AFAP1L1: variants seen among roughly 807,000 people sequenced by gnomAD.
AFAP1L1 encodes the protein actin filament-associated protein 1-like 1.
A neutral mutation model predicts 99.8 loss-of-function variants in AFAP1L1; 77 were observed. That is an observed-to-expected ratio of 0.77 (90% CI 0.64 to 0.93). AFAP1L1 has a LOEUF of 0.93. Among genes scored for constraint, AFAP1L1 ranks in the 40% least tolerant of loss-of-function variants. The probability of loss-of-function intolerance (pLI) is 0.00; values close to 1 mark genes in which losing one functional copy is unlikely to be tolerated. For missense variants in AFAP1L1, 893 were observed against 996.8 expected (o/e 0.90, Z 1.40); for synonymous variants, 373 against 395.3 (o/e 0.94, Z 0.67).
At chr5:149,330,617 T>G (rs1032353836) in intron 16 of AFAP1L1, among the ~76,000 whole-genome samples, 1 of 152,192 alleles carries the variant, frequency 6.6e-6, no homozygotes, top group African/African-American at 2.4e-5. Context: ...AGAAGACTTG[T>G]TCTGTGTGGC....
Position 149,307,433 on chromosome 5 carries a change from T to C in AFAP1L1, c.567T>C (p.Tyr189=), listed in dbSNP as rs1278575412. 3 of 1,613,890 alleles carry C rather than the reference T, an allele frequency of 1.9e-6. No individual in the cohort carries two copies. Among genetic ancestry groups the C allele is most frequent in the Non-Finnish European group, 1.7e-6 (2 of 1,179,996 alleles). The change falls in exon 7 of 19, where the codon TAT becomes TAC. Residue 189 remains tyrosine, a synonymous_variant. Transcript: ENST00000296721. The stretch of plus-strand genomic sequence containing the variant: ...ACTCTGACGCAATGAGCAGCTCCTA[T>C]GAGTCCTACGATGAAGAGGAGGAGG... The part of the protein sequence containing the change: ...YNDSDAMSSS[Y]ESYDEEEEEG...
intron 1 of AFAP1L1, among the ~76,000 whole-genome samples, chr5:149,296,599 G>C (rs1756026440): frequency 2.0e-5 from 3 of 152,196 alleles, no homozygotes; most frequent in Non-Finnish European, 4.4e-5. Context: ...ATGAGACAGA[G>C]AGAGAATGCG....
chr5:149,307,695 C>T, intron 7 of AFAP1L1, 82 bp downstream of exon 7: 7 of 1,407,074 alleles, frequency 5.0e-6, no homozygotes, highest in Non-Finnish European at 6.9e-6. Flanking sequence ...GTGGATATGT[C>T]TGCCTTGGGC....
chr5:149,306,567 G>A (rs1310885411), intron 6 of AFAP1L1, among the ~76,000 whole-genome samples, 163 bp downstream of exon 6: 2 of 152,244 alleles, frequency 1.3e-5, no homozygotes, highest in Admixed American at 6.5e-5. Context: ...CCAGCACTCA[G>A]TGGAAAGACC....
chr5:149,308,870 G>C (rs1021587856), intron 7 of AFAP1L1, among the ~76,000 whole-genome samples: 8 of 151,812 alleles, frequency 5.3e-5, no homozygotes, highest in Non-Finnish European at 2.9e-5. Flanking sequence ...TGAGGCAGGA[G>C]GATCACTTGA....
rs1009039140 is a variant in AFAP1L1 at position 149,329,675 on chromosome 5, A to T, written c.1820A>T (p.Gln607Leu). The T allele has an allele frequency of 6.2e-7, 1 of 1,613,258 alleles. No individual in the cohort carries two copies. The highest frequency in any genetic ancestry group is 8.5e-7 in the Non-Finnish European group (1 of 1,179,770). Residue 607 changes from glutamine to leucine, a missense_variant, in exon 16 of 19, where the codon CAA becomes CTA. Coordinates refer to ENST00000296721, the MANE Select transcript of AFAP1L1 (RefSeq NM_152406.4). Reference protein sequence around the residue: ...KVKRHASSANQYKYGKNRAEE... With the variant: ...KVKRHASSANLYKYGKNRAEE... ...CCCCATATCTCTGCAGGTGCCAATC[A>T]ATACAAGTATGGCAAGAACCGAGCC... is the stretch of plus-strand genomic sequence containing the variant.
In AFAP1L1 at chr5:149,319,465, G is replaced by A. The variant is rs958064085; in HGVS notation, c.1480-117G>A. 40 of 1,190,002 alleles carry A rather than the reference G, an allele frequency of 3.4e-5. No homozygotes were observed. In the Middle Eastern group the frequency reaches 9.4e-4, roughly 28 times the overall value. 73.7% of individuals were successfully genotyped at this position (1,190,002 alleles called of 1,614,324 possible). A position where few individuals can be genotyped will look rare whatever the true frequency, so the allele number is the denominator to read the frequency against. ...CTATAATCTTATTCCTCTTTGACCC[G>A]AGTATCGGGTACGTAGTCAGTACTT... On this transcript the variant is annotated intron_variant, in intron 12 of 18. Coordinates refer to ENST00000296721, the MANE Select transcript of AFAP1L1 (RefSeq NM_152406.4).
intron 5 of AFAP1L1, among the ~76,000 whole-genome samples, chr5:149,303,513 T>C (rs543285793): frequency 6.6e-6 from 1 of 152,340 alleles, no homozygotes; most frequent in South Asian, 2.1e-4. Flanking sequence ...GTGATGCTGC[T>C]CTGTCATTCA....
chr5:149,290,097 G>A (rs1385272422), intron 1 of AFAP1L1, among the ~76,000 whole-genome samples: 11 of 152,178 alleles, frequency 7.2e-5, no homozygotes, highest in African/African-American at 2.7e-4. Flanking sequence ...GCCGGGCGTG[G>A]TAGCGCACGC....
chr5:149,275,972 A>G (rs1000539023), intron 1 of AFAP1L1, among the ~76,000 whole-genome samples: 7 of 152,200 alleles, frequency 4.6e-5, no homozygotes, highest in African/African-American at 1.7e-4. Flanking sequence ...AGTCCATAAC[A>G]ACAAGCTTAG....
intron 16 of AFAP1L1, among the ~76,000 whole-genome samples, chr5:149,332,169 G>T (rs559552751): frequency 6.6e-6 from 1 of 152,352 alleles, no homozygotes; most frequent in African/African-American, 2.4e-5. Context: ...GGCCAAGGCT[G>T]GTGGATTACT....
intron 18 of AFAP1L1, among the ~76,000 whole-genome samples, chr5:149,339,692 A>AGGAACCAT (rs1259388664): frequency 1.3e-5 from 2 of 152,230 alleles, no homozygotes; most frequent in Non-Finnish European, 2.9e-5. Flanking sequence ...CAGGCCACTG[A>AGGAACCAT]GGAACCATGG....
At chr5:149,297,740 G>A (rs561401585) in intron 1 of AFAP1L1, among the ~76,000 whole-genome samples, 10 of 152,274 alleles carry the variant, frequency 6.6e-5, no homozygotes, top group African/African-American at 1.7e-4. Context: ...CACATGAAGA[G>A]CACCCACACT....
Position 149,307,818 on chromosome 5 carries a change from T to TTCTCTCTCTCTCTCTCTCTCTCTCTCTC in AFAP1L1, c.747+217_747+244dup, listed in dbSNP as rs70973517. Among the ~76,000 whole-genome samples the TTCTCTCTCTCTCTCTCTCTCTCTCTCTC allele has an allele frequency of 1.3e-3, 127 of 100,560 alleles. 19 individuals carry two copies. The highest frequency in any genetic ancestry group is 2.1e-3 in the South Asian group (5 of 2,392). The allele number at this position is 100,560 out of a possible 152,430, so 66.0% of individuals were successfully genotyped here. A position where few individuals can be genotyped will look rare whatever the true frequency, so the allele number is the denominator to read the frequency against. On this transcript the variant is annotated intron_variant, in intron 7 of 18. Transcript: ENST00000296721. ...ACACACACACACCCTGTGCCTCTCT[T>TTCTCTCTCTCTCTCTCTCTCTCTCTCTC]TCTCTCTCTCTCTCTCTCTCTCTCT...
At chr5:149,334,631 G>A (rs942125975) in intron 17 of AFAP1L1, among the ~76,000 whole-genome samples, 2 of 152,210 alleles carry the variant, frequency 1.3e-5, no homozygotes, top group African/African-American at 4.8e-5. Flanking sequence ...AGGCTGTGGG[G>A]CCAGGCATGG....
chr5:149,316,333 C>T (rs755766847), intron 11 of AFAP1L1, 30 bp downstream of exon 11: 2 of 1,605,560 alleles, frequency 1.2e-6, no homozygotes, highest in South Asian at 2.2e-5. Flanking sequence ...AGGAAGGGTG[C>T]TCAGGTCCTG....
intron 9 of AFAP1L1, among the ~76,000 whole-genome samples, chr5:149,314,735 C>G (rs1340772559): frequency 6.6e-6 from 1 of 152,136 alleles, no homozygotes; most frequent in Admixed American, 6.6e-5. Flanking sequence ...TCCTCTCCGT[C>G]CCCCGGTGCT....
At chr5:149,279,154 G>A (rs1029948782) in intron 1 of AFAP1L1, among the ~76,000 whole-genome samples, 3 of 152,236 alleles carry the variant, frequency 2.0e-5, no homozygotes, top group Non-Finnish European at 4.4e-5. Context: ...GACTAAAGTT[G>A]AAGTGGGGAC....
intron 3 of AFAP1L1, 58 bp downstream of exon 3, chr5:149,300,412 A>G: frequency 2.7e-6 from 4 of 1,495,046 alleles, no homozygotes; most frequent in Non-Finnish European, 3.7e-6. Flanking sequence ...CTGTGTATGC[A>G]GAAGGGTCCC....
Sources: gnomAD v4.1 joint callset for allele counts (sites outside exome capture counted in the v4.1 genomes callset) on GRCh38, gnomAD v4.1.1 for gene constraint, MANE v1.5 for transcripts, NCBI Gene and HGNC (gene_info 2026-07-23, HGNC 2026-07-21) for gene names.